Variants in TAOK1 observed in about 807,000 individuals in gnomAD.
TAOK1 encodes TAO kinase 1.
In TAOK1, 21 loss-of-function variants were observed where a neutral mutation model predicts 138.3. That is an observed-to-expected ratio of 0.15 (90% confidence interval 0.11 to 0.22). TAOK1 has a LOEUF of 0.22. Among genes scored for constraint, TAOK1 ranks in the 10% least tolerant of loss-of-function variants. The pLI, the probability that TAOK1 is intolerant of heterozygous loss-of-function variation, is 1.00. For synonymous variants in TAOK1, 361 were observed against 398.4 expected, an observed-to-expected ratio of 0.91 and a Z score of 1.12; for missense variants, 651 against 1,227.7, an observed-to-expected ratio of 0.53 and a Z score of 7.02.
intron 15 of TAOK1, among the ~76,000 whole-genome samples, chr17:29,515,841 AAAAG>A (rs1478630220): frequency 1.3e-5 from 2 of 151,950 alleles, no homozygotes; most frequent in Non-Finnish European, 2.9e-5. Context: ...GTCTCAAAAA[AAAAG>A]AAAGATGTAA....
intron 1 of TAOK1, among the ~76,000 whole-genome samples, chr17:29,409,497 C>T (rs952628692): frequency 6.6e-6 from 1 of 151,418 alleles, no homozygotes; most frequent in Non-Finnish European, 1.5e-5. Context: ...CCATATCTGG[C>T]TAATTTTTTG....
At chr17:29,531,062 C>G (rs9892230) in intron 18 of TAOK1, among the ~76,000 whole-genome samples, 1 of 147,706 alleles carries the variant, frequency 6.8e-6, no homozygotes, top group Non-Finnish European at 1.5e-5. Flanking sequence ...CCCGGGTTCA[C>G]GCCATTCTCC....
chr17:29,506,988 C>A (rs1327721956), intron 13 of TAOK1, among the ~76,000 whole-genome samples: 3 of 152,060 alleles, frequency 2.0e-5, no homozygotes, highest in African/African-American at 7.2e-5. Flanking sequence ...GTGAAAGAAA[C>A]CAGCCATAAA....
intron 13 of TAOK1, among the ~76,000 whole-genome samples, chr17:29,504,788 G>T (rs150947213): frequency 2.6e-3 from 400 of 152,322 alleles, no homozygotes; most frequent in Middle Eastern, 0.01. Context: ...TGTAGTTCAT[G>T]AATCTATATG....
intron 18 of TAOK1, among the ~76,000 whole-genome samples, chr17:29,532,885 C>T (rs1206297625): frequency 1.6e-4 from 24 of 151,844 alleles, no homozygotes; most frequent in Admixed American, 3.3e-4. Context: ...GGGGTGGTGG[C>T]CGGGCAGAGG....
intron 1 of TAOK1, among the ~76,000 whole-genome samples, chr17:29,414,479 A>AC: frequency 6.7e-6 from 1 of 149,030 alleles, no homozygotes; most frequent in South Asian, 2.1e-4. Flanking sequence ...TGAACTCCTG[A>AC]CCTCAAGTGA....
At position 29,468,135 on chromosome 17, in the gene TAOK1, A is replaced by ATTTTTTTTTTTTTTTTTTTTTTT. The variant is rs761962930; in HGVS notation, c.204+936_204+937insTTTTTTTTTTTTTTTTTTTTTTT. Among the ~76,000 whole-genome samples, 472 of 76,018 alleles carry ATTTTTTTTTTTTTTTTTTTTTTT rather than the reference A, an allele frequency of 6.2e-3. 110 individuals carry two copies. The East Asian group carries it at 0.068, about 11-fold the overall frequency. The allele number at this position is 76,018 out of a possible 152,430, so 49.9% of individuals were successfully genotyped here. On this transcript the variant is annotated intron_variant, in intron 3 of 19. Transcript: ENST00000261716. ...AACCACTGTGCTTGGCCTGCTTTCA[A>ATTTTTTTTTTTTTTTTTTTTTTT]TTTTTTTTTTTTTTTTTAGGAGCTG...
intron 6 of TAOK1, chr17:29,480,119 A>G (rs188683307): frequency 9.3e-4 from 248 of 266,160 alleles, no homozygotes; most frequent in Middle Eastern, 5.9e-3. Flanking sequence ...GCTCCAATGA[A>G]CTAATTTTTT....
Position 29,545,243 on chromosome 17 carries a change from G to A in TAOK1, c.*2221G>A, listed in dbSNP as rs1267439744. On this transcript the variant is annotated 3_prime_UTR_variant, in exon 20 of 20. Coordinates refer to ENST00000261716, the MANE Select transcript of TAOK1 (RefSeq NM_020791.4). Reference sequence around the variant, plus strand: ...CTTTTTTGCATTCAGGTATTATAGCGTTTCCAACAAATTGAGAAATTACTT... The same window carrying A: ...CTTTTTTGCATTCAGGTATTATAGCATTTCCAACAAATTGAGAAATTACTT... The A allele has an allele frequency of 2.0e-5, 3 of 151,458 alleles. No homozygotes were observed. Among genetic ancestry groups the A allele is most frequent in the South Asian group, 2.1e-4 (1 of 4,802 alleles). The allele number at this position is 151,458 out of a possible 1,614,324, so 9.4% of individuals were successfully genotyped here. A position where few individuals can be genotyped will look rare whatever the true frequency, so the allele number is the denominator to read the frequency against.
At chr17:29,494,864 T>C (rs2031382136) in intron 10 of TAOK1, among the ~76,000 whole-genome samples, 1 of 151,772 alleles carries the variant, frequency 6.6e-6, no homozygotes, top group Non-Finnish European at 1.5e-5. Context: ...CAAGGATATT[T>C]CGTAGAACTC....
chr17:29,514,144 TATATAGTCTACTTGTGTGCCCA>T (rs2031773425), intron 15 of TAOK1: 1 of 151,940 alleles, frequency 6.6e-6, no homozygotes, highest in Non-Finnish European at 1.5e-5. Context: ...GATAACCAGG[TATATAGTCTACTTGTGTGCCCA>T]TGTTATTCCT....
At position 29,491,846 on chromosome 17, in the gene TAOK1, C is replaced by T. The variant is rs753906550; in HGVS notation, c.812C>T (p.Thr271Ile). The change falls in exon 10 of 20, where the codon ACA becomes ATA. Residue 271 changes from threonine to isoleucine, a missense_variant. Physicochemically the swap from Thr to Ile is moderately conservative, Grantham distance 89. Around this residue, in one of 8 missense-constraint regions of TAOK1, gnomAD observed 39 missense variants for 52.5 expected, o/e 0.74. Transcript: ENST00000261716. ...CAGAAAATCCCTCAAGATCGACCTA[C>T]ATCAGAGGAACTTTTAAAGGTCAGT... ...CLQKIPQDRPTSEELLKHIFV... is the reference protein window; with the variant it reads ...CLQKIPQDRPISEELLKHIFV... 6.2e-7 allele frequency: 1 copy of T among 1,613,026 alleles called. No homozygotes were observed. Among genetic ancestry groups the T allele is most frequent in the South Asian group, 1.1e-5 (1 of 91,018 alleles).
In TAOK1 at chr17:29,506,886, C is replaced by A. The variant is rs533016921; in HGVS notation, c.1339-1010C>A. Among the ~76,000 whole-genome samples the A allele has an allele frequency of 2.6e-5, 4 of 152,130 alleles. No individual in the cohort carries two copies. In the South Asian group the frequency reaches 8.3e-4, roughly 32 times the overall value. On this transcript the variant is annotated intron_variant, in intron 13 of 19. Coordinates refer to ENST00000261716, the MANE Select transcript of TAOK1 (RefSeq NM_020791.4). Reference sequence around the variant, plus strand: ...TGGATGAGTGGATAAACAAATTGTGCTATATATGTACAGTGGAATTTTATT... The same window carrying A: ...TGGATGAGTGGATAAACAAATTGTGATATATATGTACAGTGGAATTTTATT...
rs566121534 is a variant in TAOK1, at chr17:29,515,805, C to T, written c.1705-1648C>T. 4.0e-5 allele frequency among the ~76,000 whole-genome samples: 6 copies of T among 151,824 alleles called. No homozygotes were observed. The South Asian group carries it at 1.2e-3, about 32-fold the overall frequency. ...GAGCCGAGATCGCGCCACTGCACTC[C>T]AGCCTGGGCGACAGAGCAAGACTCT... On this transcript the variant is annotated intron_variant, in intron 15 of 19. Transcript: ENST00000261716.
intron 1 of TAOK1, among the ~76,000 whole-genome samples, chr17:29,409,333 A>ATTTTTTTTT (rs869195465): frequency 1.7e-5 from 1 of 59,056 alleles, no homozygotes; most frequent in African/African-American, 6.7e-5. Context: ...ATATATATAT[A>ATTTTTTTTT]TTTTTTTTTT....
chr17:29,433,857 C>T (rs181727488), intron 1 of TAOK1, among the ~76,000 whole-genome samples: 2 of 152,172 alleles, frequency 1.3e-5, no homozygotes, highest in East Asian at 1.9e-4. Flanking sequence ...AGGACACGGA[C>T]GAAGACCGAT....
rs1404297232 is a variant in TAOK1, at chr17:29,542,880, C to T, written c.2864C>T (p.Pro955Leu). 1 of 1,614,108 alleles carries T rather than the reference C, an allele frequency of 6.2e-7. No individual in the cohort carries two copies. Among genetic ancestry groups the T allele is most frequent in the Non-Finnish European group, 8.5e-7 (1 of 1,179,998 alleles). Residue 955 changes from proline to leucine, a missense_variant, in exon 20 of 20, where the codon CCT (proline) becomes CTT (leucine). Pro to Leu is a moderately conservative substitution (Grantham distance 98). This residue lies in a region of TAOK1 where 108 missense variants were observed against 120.3 expected (regional missense o/e 0.90). Transcript: ENST00000261716. ...GHPSGPMQGV[P>L]RGSSMGVRNS... is the part of the protein sequence containing the mutation. Reference sequence around the variant, plus strand: ...CCTTCAGGGCCAATGCAAGGGGTACCTCGAGGTAGCAGTATGGGAGTCCGC... The same window carrying T: ...CCTTCAGGGCCAATGCAAGGGGTACTTCGAGGTAGCAGTATGGGAGTCCGC...
intron 13 of TAOK1, among the ~76,000 whole-genome samples, chr17:29,505,158 C>T (rs1330885305): frequency 6.6e-6 from 1 of 152,116 alleles, no homozygotes; most frequent in East Asian, 1.9e-4. Flanking sequence ...TTTTTTAATA[C>T]AAATAAGCAT....
chr17:29,415,258 C>T (rs1210756976), intron 1 of TAOK1, among the ~76,000 whole-genome samples: 3 of 152,204 alleles, frequency 2.0e-5, no homozygotes, highest in Non-Finnish European at 2.9e-5. Context: ...GGTGAGCCAC[C>T]GCGCCCAGCT....
Sources: allele counts gnomAD v4.1 joint callset (sites outside exome capture counted in the v4.1 genomes callset), GRCh38; gene constraint gnomAD v4.1.1; regional missense constraint gnomAD v4.1.1; transcripts MANE v1.5; gene names NCBI Gene and HGNC (gene_info 2026-07-23, HGNC 2026-07-21).